TCF7L1: variants seen among roughly 807,000 people sequenced by gnomAD.
The protein encoded by TCF7L1 is transcription factor 7 like 1.
Under a neutral mutation model 63.7 loss-of-function variants are expected in TCF7L1, and 18 were observed. That is an observed-to-expected ratio of 0.28 (90% CI 0.20 to 0.42). The LOEUF (loss-of-function observed/expected upper bound fraction) is 0.42, where lower values mean the gene tolerates loss of function less well. TCF7L1 is among the 10% of genes least tolerant of loss of function. TCF7L1 has a pLI of 1.00. For missense variants in TCF7L1, 654 were observed against 779.3 expected, an observed-to-expected ratio of 0.84 and a Z score of 1.91; for synonymous variants, 355 against 340.9, an observed-to-expected ratio of 1.04 and a Z score of -0.46.
chr2:85,255,937 C>T (rs1306851345), intron 3 of TCF7L1, among the ~76,000 whole-genome samples: 1 of 152,148 alleles, frequency 6.6e-6, no homozygotes, highest in African/African-American at 2.4e-5. Flanking sequence ...CACCCCTCCC[C>T]GGGGATGATT....
intron 3 of TCF7L1, among the ~76,000 whole-genome samples, chr2:85,142,446 G>A (rs1245382862): frequency 2.3e-4 from 3 of 13,008 alleles, no homozygotes; most frequent in African/African-American, 1.3e-3. Context: ...GTGTGTGTGT[G>A]TGTGTGTGTG....
At chr2:85,231,471 C>T (rs930026978) in intron 3 of TCF7L1, among the ~76,000 whole-genome samples, 1 of 152,224 alleles carries the variant, frequency 6.6e-6, no homozygotes, top group African/African-American at 2.4e-5. Flanking sequence ...TCCTCGTCCA[C>T]GTGACAGCCT....
chr2:85,220,512 C>T (rs1001552632), intron 3 of TCF7L1, among the ~76,000 whole-genome samples: 2 of 152,016 alleles, frequency 1.3e-5, no homozygotes, highest in African/African-American at 4.8e-5. Context: ...ACTACAGGCA[C>T]GCGCCTCCAT....
In TCF7L1 at chr2:85,134,728, C is replaced by G. The variant is rs182158829; in HGVS notation, c.441+278C>G. Among the ~76,000 whole-genome samples the G allele has an allele frequency of 6.6e-6, 1 of 152,206 alleles. No individual in the cohort carries two copies. The highest frequency in any genetic ancestry group is 6.5e-5 in the Admixed American group (1 of 15,292). Reference sequence around the variant, plus strand: ...GGCCTCCAGAATTCTTCGCCTGCACCGAAGGAAACTTGGATTTGTGCCCGC... The same window carrying G: ...GGCCTCCAGAATTCTTCGCCTGCACGGAAGGAAACTTGGATTTGTGCCCGC... On this transcript the variant is annotated intron_variant, in intron 3 of 11. Transcript: ENST00000282111. This position sits in a 1 kb window ranked among gnomAD's most constrained non-coding sequence, Gnocchi z 5.0.
At chr2:85,267,030 G>A (rs1213947229) in intron 3 of TCF7L1, among the ~76,000 whole-genome samples, 1 of 152,146 alleles carries the variant, frequency 6.6e-6, no homozygotes, top group Non-Finnish European at 1.5e-5. Flanking sequence ...TCCAGCACTA[G>A]CATAATGAAA....
rs1682213288 is a variant in TCF7L1, at chr2:85,309,147, A to G, written c.1452A>G (p.Ala484=). Residue 484 remains alanine (A), a synonymous_variant, in exon 12 of 12, where the codon GCA becomes GCG. Transcript: ENST00000282111. ...SMLDSPATPS[A]ALASPAAPAA... is the part of the protein sequence containing the mutation. ...TGGACTCCCCGGCCACTCCCTCTGC[A>G]GCTTTGGCCTCACCAGCTGCCCCTG... 5.0e-6 allele frequency: 8 copies of G among 1,610,174 alleles called. No individual in the cohort carries two copies. The highest frequency in any genetic ancestry group is 6.8e-6 in the Non-Finnish European group (8 of 1,179,058).
chr2:85,189,108 C>T (rs1279589792), intron 3 of TCF7L1, among the ~76,000 whole-genome samples: 1 of 152,178 alleles, frequency 6.6e-6, no homozygotes. Context: ...GCTCCTCCAA[C>T]TGGTGGAGGC....
intron 3 of TCF7L1, among the ~76,000 whole-genome samples, chr2:85,207,217 A>T (rs947021260): frequency 6.6e-6 from 1 of 152,172 alleles, no homozygotes; most frequent in African/African-American, 2.4e-5. Context: ...GTCACTGATG[A>T]ATTCACTTCC....
chr2:85,220,342 C>G (rs1468790219), intron 3 of TCF7L1, among the ~76,000 whole-genome samples: 4 of 151,542 alleles, frequency 2.6e-5, no homozygotes, highest in Non-Finnish European at 5.9e-5. Flanking sequence ...TCTCTACTTA[C>G]TTTCTGTACT....
chr2:85,245,609 G>A (rs1408412659), intron 3 of TCF7L1, among the ~76,000 whole-genome samples: 3 of 151,958 alleles, frequency 2.0e-5, no homozygotes, highest in Admixed American at 6.6e-5. Context: ...TCAGGAGATC[G>A]AGACCATCCT....
At chr2:85,307,065 G>A (rs555861340) in intron 10 of TCF7L1, among the ~76,000 whole-genome samples, 1 of 152,212 alleles carries the variant, frequency 6.6e-6, no homozygotes, top group Admixed American at 6.5e-5. Context: ...CAAGTCCTGA[G>A]GACGGACTTC....
At chr2:85,293,007 G>A (rs1453133992) in intron 4 of TCF7L1, among the ~76,000 whole-genome samples, 1 of 152,224 alleles carries the variant, frequency 6.6e-6, no homozygotes, top group Non-Finnish European at 1.5e-5. Context: ...TAAGGGGGAG[G>A]TTCAGGTCTT....
chr2:85,170,356 C>T (rs1390397026), intron 3 of TCF7L1, among the ~76,000 whole-genome samples: 1 of 152,100 alleles, frequency 6.6e-6, no homozygotes, highest in Non-Finnish European at 1.5e-5. Flanking sequence ...AAAAGTCATA[C>T]ATATTCATCA....
At chr2:85,194,987 A>G (rs1023344726) in intron 3 of TCF7L1, among the ~76,000 whole-genome samples, 3 of 152,238 alleles carry the variant, frequency 2.0e-5, no homozygotes, top group African/African-American at 7.2e-5. Context: ...TCCACCCCCC[A>G]GTCCCACCCC....
At chr2:85,240,194 A>G (rs1005757320) in intron 3 of TCF7L1, among the ~76,000 whole-genome samples, 4 of 152,178 alleles carry the variant, frequency 2.6e-5, no homozygotes, top group African/African-American at 9.6e-5. Flanking sequence ...ACTGCACTGC[A>G]TGGACCACGT....
chr2:85,230,871 G>T (rs1680060747), intron 3 of TCF7L1, among the ~76,000 whole-genome samples: 1 of 152,136 alleles, frequency 6.6e-6, no homozygotes, highest in Admixed American at 6.5e-5. Context: ...AAAGCCTGAG[G>T]GGATGGGTGG....
intron 3 of TCF7L1, among the ~76,000 whole-genome samples, chr2:85,234,131 C>CTT (rs35508338): frequency 1.8e-3 from 120 of 65,206 alleles, no homozygotes; most frequent in Non-Finnish European, 2.4e-3. Flanking sequence ...TTTTTCTTTT[C>CTT]TTTTTTTTTT....
chr2:85,149,283 ATATATGTGTG>A (rs1216191345), intron 3 of TCF7L1, among the ~76,000 whole-genome samples: 2 of 150,406 alleles, frequency 1.3e-5, no homozygotes, highest in Non-Finnish European at 3.0e-5. Context: ...TAATGTGCAT[ATATATGTGTG>A]TATATGTGTA....
In TCF7L1 at chr2:85,134,224, G is replaced by A. The variant is rs997353383; in HGVS notation, c.314-99G>A. 10 of 1,472,470 alleles carry A rather than the reference G, an allele frequency of 6.8e-6. No homozygotes were observed. The highest frequency in any genetic ancestry group is 9.0e-6 in the Non-Finnish European group (10 of 1,110,802). The allele number at this position is 1,472,470 out of a possible 1,614,324, so 91.2% of individuals were successfully genotyped here. A position where few individuals can be genotyped will look rare whatever the true frequency, so the allele number is the denominator to read the frequency against. On this transcript the variant is annotated intron_variant, in intron 2 of 11. Coordinates refer to ENST00000282111, the MANE Select transcript of TCF7L1 (RefSeq NM_031283.3). This position sits in a 1 kb window ranked among gnomAD's most constrained non-coding sequence, Gnocchi z 5.0. ...GCGGCAGCCCCCGTGGGGCGCGCGTGGGGGGCGCTGGGGTCCCCAGCTCCC... is the reference window on the plus strand; with the variant it reads ...GCGGCAGCCCCCGTGGGGCGCGCGTAGGGGGCGCTGGGGTCCCCAGCTCCC...
Sources: gnomAD v4.1 joint callset for allele counts (sites outside exome capture counted in the v4.1 genomes callset) on GRCh38, gnomAD v4.1.1 for gene constraint, Gnocchi (gnomAD v3.1) non-coding constraint, MANE v1.5 for transcripts, NCBI Gene and HGNC (gene_info 2026-07-23, HGNC 2026-07-21) for gene names.